The following PTPRS variants were observed in gnomAD, a reference collection of about 807,000 sequenced individuals.
PTPRS encodes receptor-type tyrosine-protein phosphatase S.
A neutral mutation model predicts 215.3 loss-of-function variants in PTPRS; 63 were observed. That is an observed-to-expected ratio of 0.29 (90% CI 0.24 to 0.36). The LOEUF (loss-of-function observed/expected upper bound fraction) is 0.36. Ranked by LOEUF, PTPRS falls within the 10% of genes least tolerant of loss-of-function variation. The probability of loss-of-function intolerance (pLI) is 1.00; values close to 1 mark genes in which losing one functional copy is unlikely to be tolerated. For synonymous variants in PTPRS, 1,404 were observed against 1,191.4 expected (o/e 1.18, Z -3.68); for missense variants, 2,258 against 2,825.8 (o/e 0.80, Z 4.56).
chr19:5,316,930 G>A (rs909409112), intron 1 of PTPRS, among the ~76,000 whole-genome samples: 3 of 152,178 alleles, frequency 2.0e-5, no homozygotes, highest in Non-Finnish European at 2.9e-5. Flanking sequence ...TCCCACGGGC[G>A]GCTGCCCCAC....
In PTPRS at chr19:5,334,248, C is replaced by T. The variant is rs562770228; in HGVS notation, c.-95+6416G>A. 5.3e-5 allele frequency among the ~76,000 whole-genome samples: 8 copies of T among 152,334 alleles called. No homozygotes were observed. The South Asian group carries it at 1.5e-3, about 28-fold the overall frequency. The stretch of plus-strand genomic sequence containing the variant: ...CTGGACCCCATCGGGGGGCTGAGGG[C>T]GGGGTAGCGGGGCGCGGGTGGACAC... On this transcript the variant is annotated intron_variant, in intron 1 of 37. Transcript: ENST00000262963.
At chr19:5,262,815 G>A (rs1170125263) in intron 6 of PTPRS, 149 bp downstream of exon 6, 5 of 819,792 alleles carry the variant, frequency 6.1e-6, no homozygotes, top group South Asian at 3.5e-5. Flanking sequence ...GTCGCGGGGA[G>A]GAGGGAGAGG....
At chr19:5,253,152 G>A (rs2045284043) in intron 9 of PTPRS, among the ~76,000 whole-genome samples, 1 of 152,142 alleles carries the variant, frequency 6.6e-6, no homozygotes, top group South Asian at 2.1e-4. Flanking sequence ...TCAAAAGTCG[G>A]AGGAGGGAGA....
chr19:5,303,982 A>C (rs911295588), intron 1 of PTPRS, among the ~76,000 whole-genome samples: 1 of 134,662 alleles, frequency 7.4e-6, no homozygotes, highest in Admixed American at 8.0e-5. Flanking sequence ...AATAAACAGA[A>C]GCGCGGAGGG....
Position 5,265,183 on chromosome 19 carries a change from G to A in PTPRS, c.393C>T (p.Pro131=), listed in dbSNP as rs1268531814. The change falls in exon 5 of 38, where the codon CCC becomes CCT. Residue 131 remains proline (P), a synonymous_variant. Transcript: ENST00000262963. The part of the protein sequence containing the change: ...KLTVLREDQL[P]SGFPNIDMGP... ...CCATGTCGATGTTGGGGAAGCCAGA[G>A]GGCAGCTGGTCCTCTGAGGGCAGAG... 1 of 1,613,638 alleles carries A rather than the reference G, an allele frequency of 6.2e-7. No homozygotes were observed. Among genetic ancestry groups the A allele is most frequent in the African/African-American group, 1.3e-5 (1 of 75,034 alleles).
chr19:5,207,602 T>C (rs376601923), intron 37 of PTPRS, among the ~76,000 whole-genome samples: 1 of 152,246 alleles, frequency 6.6e-6, no homozygotes, highest in East Asian at 1.9e-4. Context: ...AGTTTCCCCA[T>C]CTGTACATTG....
chr19:5,257,012 T>C lies in PTPRS; in HGVS notation c.707-893A>G, dbSNP rs11667073. Reference sequence around the variant, plus strand: ...GCGCTAACTGGGGCAGCCCTAGGGATTGAAGGGCGCCCTGGCATCCTGGCA... The same window carrying C: ...GCGCTAACTGGGGCAGCCCTAGGGACTGAAGGGCGCCCTGGCATCCTGGCA... On this transcript the variant is annotated intron_variant, in intron 8 of 37. Transcript: ENST00000262963. The surrounding 1 kb of genome is among the most constrained non-coding windows in gnomAD (Gnocchi z 4.4). Among the ~76,000 whole-genome samples, 8,289 of 151,462 alleles carry C rather than the reference T, an allele frequency of 0.055. 337 individuals carry two copies. Among genetic ancestry groups the C allele is most frequent in the South Asian group, 0.14 (649 of 4,762 alleles).
At chr19:5,253,686 T>C (rs1361416384) in intron 9 of PTPRS, among the ~76,000 whole-genome samples, 1 of 152,180 alleles carries the variant, frequency 6.6e-6, no homozygotes, top group Non-Finnish European at 1.5e-5. Context: ...TCTGAGCAAA[T>C]GAATTAGCTT....
chr19:5,228,950 AC>A (rs1174575997), intron 16 of PTPRS, among the ~76,000 whole-genome samples: 3 of 152,232 alleles, frequency 2.0e-5, no homozygotes, highest in Admixed American at 6.5e-5. Context: ...GGCTGGGTCA[AC>A]AGGAGAGGAG....
At chr19:5,254,565 G>A (rs2045409031) in intron 9 of PTPRS, among the ~76,000 whole-genome samples, 1 of 152,176 alleles carries the variant, frequency 6.6e-6, no homozygotes, top group African/African-American at 2.4e-5. Flanking sequence ...AAAAGAGAAA[G>A]AGAAGCAGAG....
chr19:5,268,625 C>T lies in PTPRS; in HGVS notation c.380-3429G>A, dbSNP rs73547721. Among the ~76,000 whole-genome samples, 224 of 152,226 alleles carry T rather than the reference C, an allele frequency of 1.5e-3. 1 individual carries two copies. The highest frequency in any genetic ancestry group is 5.1e-3 in the African/African-American group (212 of 41,530). ...GATTACGAGAGAGCGGCAGTTCCAG[C>T]TCGGGGGTCACTGCTTGGATGGGAA... On this transcript the variant is annotated intron_variant, in intron 4 of 37. Transcript: ENST00000262963.
chr19:5,242,837 G>A (rs1436925089), intron 11 of PTPRS, among the ~76,000 whole-genome samples: 1 of 152,092 alleles, frequency 6.6e-6, no homozygotes, highest in East Asian at 1.9e-4. Flanking sequence ...TGGGACTACA[G>A]GTGTGCACCA....
chr19:5,221,976 T>C, intron 19 of PTPRS, 147 bp downstream of exon 19: 2 of 651,886 alleles, frequency 3.1e-6, no homozygotes, highest in South Asian at 3.6e-5. Context: ...TTCCCAGTAT[T>C]GACTAAGCCT....
rs760948256 is a variant in PTPRS at position 5,260,839 on chromosome 19, G to A, written c.578-17C>T. On this transcript the variant is annotated splice_polypyrimidine_tract_variant and intron_variant, in intron 6 of 37. Transcript: ENST00000262963. ...GAGTGCTTTCTGTAAGGGAAGCAGA[G>A]AGAACCAGGTGAATGTCACAAGGCG... The A allele has an allele frequency of 6.2e-7, 1 of 1,612,136 alleles. No individual in the cohort carries two copies. Among genetic ancestry groups the A allele is most frequent in the South Asian group, 1.1e-5 (1 of 90,920 alleles).
At chr19:5,261,392 A>G (rs970894764) in intron 6 of PTPRS, among the ~76,000 whole-genome samples, 2 of 152,142 alleles carry the variant, frequency 1.3e-5, no homozygotes, top group South Asian at 4.1e-4. Context: ...AGGGACAGGG[A>G]GAGCCTGGCA....
chr19:5,280,159 A>C (rs190263052), intron 2 of PTPRS, among the ~76,000 whole-genome samples: 2 of 152,352 alleles, frequency 1.3e-5, no homozygotes, highest in African/African-American at 4.8e-5. Context: ...AGAAAAGGGT[A>C]GAGTGAGTCC....
chr19:5,283,877 A>G (rs1408902533), intron 2 of PTPRS, among the ~76,000 whole-genome samples: 1 of 151,810 alleles, frequency 6.6e-6, no homozygotes. Context: ...GTTTGAGACC[A>G]GCCTGGGCAA....
intron 1 of PTPRS, among the ~76,000 whole-genome samples, chr19:5,337,157 G>A (rs944384863): frequency 1.3e-4 from 20 of 152,214 alleles, no homozygotes; most frequent in Admixed American, 6.5e-4. Context: ...GGGTAGCAGG[G>A]GGAAGGAATT....
intron 1 of PTPRS, among the ~76,000 whole-genome samples, chr19:5,331,127 TTAAA>T (rs1173497265): frequency 2.5e-5 from 2 of 80,700 alleles, no homozygotes; most frequent in African/African-American, 9.5e-5. Flanking sequence ...GCTTCTTTTT[TTAAA>T]AAAAAAAAAA....
Sources: allele counts gnomAD v4.1 joint callset (sites outside exome capture counted in the v4.1 genomes callset), GRCh38; gene constraint gnomAD v4.1.1; non-coding constraint Gnocchi (gnomAD v3.1); transcripts MANE v1.5; gene names NCBI Gene and HGNC (gene_info 2026-07-23, HGNC 2026-07-21).